DGKB: variants seen among roughly 807,000 people sequenced by gnomAD.
DGKB encodes the protein diacylglycerol kinase beta.
A neutral mutation model predicts 114.3 loss-of-function variants in DGKB; 67 were observed. The observed-to-expected ratio is 0.59, with a 90% CI of 0.48 to 0.72. The LOEUF (loss-of-function observed/expected upper bound fraction) is 0.72, where lower values mean the gene tolerates loss of function less well. Ranked by LOEUF, DGKB falls within the 30% of genes least tolerant of loss-of-function variation. The pLI, the probability that DGKB is intolerant of heterozygous loss-of-function variation, is 0.00. For synonymous variants in DGKB, 398 were observed against 323.1 expected (o/e 1.23, Z -2.49); for missense variants, 907 against 975.2 (o/e 0.93, Z 0.93).
chr7:14,776,045 G>T (rs1450687631), intron 2 of DGKB, among the ~76,000 whole-genome samples: 1 of 152,062 alleles, frequency 6.6e-6, no homozygotes, highest in African/African-American at 2.4e-5. Flanking sequence ...CCAAGCTGAG[G>T]TGGTCTCAGA....
intron 23 of DGKB, among the ~76,000 whole-genome samples, chr7:14,325,587 T>TA (rs1363693997): frequency 6.6e-6 from 1 of 152,118 alleles, no homozygotes; most frequent in Admixed American, 6.6e-5. Flanking sequence ...AAAGGATGAT[T>TA]AAAAAACATC....
intron 21 of DGKB, among the ~76,000 whole-genome samples, chr7:14,435,455 T>A (rs1829095904): frequency 6.6e-6 from 1 of 152,076 alleles, no homozygotes; most frequent in African/African-American, 2.4e-5. Flanking sequence ...TAAATCACAC[T>A]TTATCCCCTA....
chr7:14,966,862 A>T (rs1364907388), intron 1 of DGKB, among the ~76,000 whole-genome samples: 1 of 152,176 alleles, frequency 6.6e-6, no homozygotes, highest in African/African-American at 2.4e-5. Flanking sequence ...TACATACCAT[A>T]TAAAATCTAC....
chr7:14,948,809 C>T (rs984716808), intron 1 of DGKB, among the ~76,000 whole-genome samples: 1 of 151,538 alleles, frequency 6.6e-6, no homozygotes, highest in Non-Finnish European at 1.5e-5. Flanking sequence ...TCAGACTTCT[C>T]AACAGCAAAA....
intron 23 of DGKB, among the ~76,000 whole-genome samples, chr7:14,285,036 AAAAAAG>A (rs1266652440): frequency 6.6e-6 from 1 of 151,696 alleles, no homozygotes; most frequent in African/African-American, 2.4e-5. Flanking sequence ...AAAATAATAA[AAAAAAG>A]AAATGTATTG....
At chr7:14,910,044 TA>T (rs2128242998) in intron 1 of DGKB, among the ~76,000 whole-genome samples, 1 of 151,822 alleles carries the variant, frequency 6.6e-6, no homozygotes, top group Non-Finnish European at 1.5e-5. Flanking sequence ...TTGCCTCCAC[TA>T]AAAATACAAA....
At chr7:14,739,640 T>C (rs1364268511) in intron 4 of DGKB, among the ~76,000 whole-genome samples, 1 of 152,118 alleles carries the variant, frequency 6.6e-6, no homozygotes, top group Non-Finnish European at 1.5e-5. Flanking sequence ...TATATGGGGA[T>C]ATGAGGAAGA....
intron 23 of DGKB, among the ~76,000 whole-genome samples, chr7:14,181,024 A>T (rs2128250149): frequency 6.6e-6 from 1 of 152,318 alleles, no homozygotes; most frequent in South Asian, 2.1e-4. Context: ...TGTATGGCTC[A>T]CAACAATTAA....
At chr7:14,524,537 C>A (rs1302635853) in intron 20 of DGKB, among the ~76,000 whole-genome samples, 1 of 152,128 alleles carries the variant, frequency 6.6e-6, no homozygotes, top group African/African-American at 2.4e-5. Context: ...GGGTGGAGCA[C>A]CTGAGGTCAG....
At chr7:14,771,125 C>T (rs1837341333) in intron 2 of DGKB, among the ~76,000 whole-genome samples, 7 of 152,072 alleles carry the variant, frequency 4.6e-5, no homozygotes, top group Admixed American at 4.6e-4. Context: ...CACCTGGACC[C>T]ATCTGGTTAA....
chr7:14,736,544 G>A (rs143036971), intron 4 of DGKB, among the ~76,000 whole-genome samples: 2,932 of 152,238 alleles, frequency 0.019, 139 homozygotes, highest in Admixed American at 0.095. Context: ...TTGTTGCAGT[G>A]ATTAAATCAG....
intron 1 of DGKB, among the ~76,000 whole-genome samples, chr7:14,947,743 A>C (rs1301573727): frequency 6.6e-6 from 1 of 151,630 alleles, no homozygotes; most frequent in African/African-American, 2.4e-5. Flanking sequence ...GTATATACTC[A>C]GTTCCCCAGA....
Position 14,277,180 on chromosome 7 carries a change from A to T in DGKB, c.2122+61335T>A, listed in dbSNP as rs575977046. ...CTTTTAAATTTTCTTAGTTTATTTTATTTTTTTTGAGACAGAGTCTCACTC... is the reference window on the plus strand; with the variant it reads ...CTTTTAAATTTTCTTAGTTTATTTTTTTTTTTTTGAGACAGAGTCTCACTC... On this transcript the variant is annotated intron_variant, in intron 23 of 25. Coordinates refer to ENST00000402815, the MANE Select transcript of DGKB (RefSeq NM_001350709.2). Among the ~76,000 whole-genome samples the T allele has an allele frequency of 2.3e-3, 347 of 151,214 alleles. 1 individual carries two copies. Among genetic ancestry groups the T allele is most frequent in the Middle Eastern group, 0.01 (3 of 286 alleles).
chr7:14,181,899 CAG>C (rs1395422513), intron 23 of DGKB, among the ~76,000 whole-genome samples: 1 of 152,098 alleles, frequency 6.6e-6, no homozygotes, highest in Admixed American at 6.5e-5. Flanking sequence ...ACATTTAAAA[CAG>C]AACATCTATA....
chr7:14,915,835 A>T (rs181266793), intron 1 of DGKB, among the ~76,000 whole-genome samples: 2 of 152,320 alleles, frequency 1.3e-5, no homozygotes, highest in East Asian at 3.9e-4. Flanking sequence ...GGAAATGTTA[A>T]AACAAGTTCC....
chr7:14,409,685 G>A (rs541265024), intron 21 of DGKB, among the ~76,000 whole-genome samples: 2,474 of 9,882 alleles, frequency 0.25, 773 homozygotes, highest in African/African-American at 0.44. Context: ...CCGCAGTCTG[G>A]CCTGGGCGAC....
intron 5 of DGKB, among the ~76,000 whole-genome samples, chr7:14,734,611 A>G (rs1831433396): frequency 6.6e-6 from 1 of 152,222 alleles, no homozygotes. Flanking sequence ...GCCAGGCATT[A>G]AAGAGATTTG....
chr7:14,497,411 G>A (rs551823668), intron 20 of DGKB, among the ~76,000 whole-genome samples: 397 of 151,836 alleles, frequency 2.6e-3, no homozygotes, highest in Non-Finnish European at 4.6e-3. Context: ...TTCTACAGTA[G>A]CCCTCTATAT....
chr7:14,196,728 G>A (rs772895024), intron 23 of DGKB, among the ~76,000 whole-genome samples: 3 of 151,796 alleles, frequency 2.0e-5, no homozygotes, highest in Non-Finnish European at 4.4e-5. Flanking sequence ...CAGTATAAGA[G>A]ATTTTCAGTA....
Sources: gnomAD v4.1 joint callset for allele counts (sites outside exome capture counted in the v4.1 genomes callset) on GRCh38, gnomAD v4.1.1 for gene constraint, MANE v1.5 for transcripts, NCBI Gene and HGNC (gene_info 2026-07-23, HGNC 2026-07-21) for gene names.